The following CCDC85A variants were observed in gnomAD, a reference collection of about 807,000 sequenced individuals.
CCDC85A encodes the protein coiled-coil domain-containing protein 85A.
CCDC85A carries 38 observed loss-of-function variants against 50.2 expected under a neutral mutation model. That is an observed-to-expected ratio of 0.76 (90% CI 0.58 to 0.99). The LOEUF (loss-of-function observed/expected upper bound fraction) is 0.99. Ranked by LOEUF, CCDC85A falls within the 50% of genes least tolerant of loss-of-function variation. The probability of loss-of-function intolerance (pLI) is 0.00; values close to 1 mark genes in which losing one functional copy is unlikely to be tolerated. For missense variants in CCDC85A, 820 were observed against 742.0 expected (o/e 1.11, Z -1.22); for synonymous variants, 366 against 301.4 (o/e 1.21, Z -2.22).
chr2:56,207,515 T>C (rs1677006588), intron 2 of CCDC85A, among the ~76,000 whole-genome samples: 2 of 152,196 alleles, frequency 1.3e-5, no homozygotes, highest in Non-Finnish European at 2.9e-5. Flanking sequence ...GTCCAGTAAA[T>C]GGATGGTCCC....
At chr2:56,287,004 G>A (rs1435809976) in intron 2 of CCDC85A, among the ~76,000 whole-genome samples, 4 of 152,100 alleles carry the variant, frequency 2.6e-5, no homozygotes, top group Non-Finnish European at 5.9e-5. Flanking sequence ...TCTCCAAGGG[G>A]TGCCCTTTCT....
At chr2:56,376,760 A>G (rs558601433) in intron 5 of CCDC85A, among the ~76,000 whole-genome samples, 5 of 152,352 alleles carry the variant, frequency 3.3e-5, no homozygotes, top group African/African-American at 1.2e-4. Context: ...GCACTGTCTA[A>G]CAAATCTATC....
chr2:56,273,993 A>G (rs940963411), intron 2 of CCDC85A, among the ~76,000 whole-genome samples: 1 of 152,194 alleles, frequency 6.6e-6, no homozygotes, highest in Non-Finnish European at 1.5e-5. Context: ...AAAACTAAAC[A>G]TGATCAAAGT....
chr2:56,235,663 G>A (rs1371869099), intron 2 of CCDC85A, among the ~76,000 whole-genome samples: 2 of 152,092 alleles, frequency 1.3e-5, no homozygotes, highest in Non-Finnish European at 2.9e-5. Flanking sequence ...CTGAAAATGG[G>A]CCACCTAGCA....
At chr2:56,202,307 C>T (rs1676779698) in intron 2 of CCDC85A, among the ~76,000 whole-genome samples, 1 of 152,188 alleles carries the variant, frequency 6.6e-6, no homozygotes, top group African/African-American at 2.4e-5. Context: ...TGGACAACTA[C>T]CAAAATGCAT....
intron 2 of CCDC85A, among the ~76,000 whole-genome samples, chr2:56,309,350 T>G (rs1276715519): frequency 6.6e-6 from 1 of 152,176 alleles, no homozygotes; most frequent in Non-Finnish European, 1.5e-5. Context: ...GACTTCAGCT[T>G]GCAGCACATT....
At chr2:56,257,800 A>G (rs1312782145) in intron 2 of CCDC85A, among the ~76,000 whole-genome samples, 1 of 152,200 alleles carries the variant, frequency 6.6e-6, no homozygotes, top group Admixed American at 6.5e-5. Flanking sequence ...GGATCTGAAC[A>G]AGGAGAGGCC....
intron 3 of CCDC85A, among the ~76,000 whole-genome samples, chr2:56,361,209 G>A (rs955912361): frequency 1.4e-4 from 22 of 151,740 alleles, no homozygotes; most frequent in African/African-American, 4.1e-4. Flanking sequence ...AGCGGAGATC[G>A]CGCCACTGCA....
At chr2:56,342,788 T>C (rs1211609088) in intron 2 of CCDC85A, 91 bp from the exon 3 acceptor site, 5 of 747,352 alleles carry the variant, frequency 6.7e-6, no homozygotes, top group East Asian at 5.9e-5. Flanking sequence ...ATAGTCACTG[T>C]CTGATTTGAA....
chr2:56,247,132 A>T (rs1310934527), intron 2 of CCDC85A, among the ~76,000 whole-genome samples: 2 of 152,176 alleles, frequency 1.3e-5, no homozygotes, highest in African/African-American at 4.8e-5. Context: ...AGGAACCAAG[A>T]CTGTCCTGGA....
intron 2 of CCDC85A, among the ~76,000 whole-genome samples, chr2:56,340,190 T>C (rs544007102): frequency 1.2e-4 from 19 of 152,212 alleles, no homozygotes; most frequent in Non-Finnish European, 2.8e-4. Context: ...CTGATGCTTA[T>C]GTATTTTAGA....
At chr2:56,343,478 C>A (rs544338305) in intron 3 of CCDC85A, among the ~76,000 whole-genome samples, 1 of 152,174 alleles carries the variant, frequency 6.6e-6, no homozygotes, top group Non-Finnish European at 1.5e-5. Flanking sequence ...GACTTCATTT[C>A]TTTCCCCTTA....
At chr2:56,243,542 T>G (rs1669360225) in intron 2 of CCDC85A, among the ~76,000 whole-genome samples, 2 of 152,210 alleles carry the variant, frequency 1.3e-5, no homozygotes, top group Admixed American at 6.5e-5. Flanking sequence ...TACCTTTCTG[T>G]GTTATCTTGA....
At chr2:56,199,491 C>T (rs1003149054) in intron 2 of CCDC85A, among the ~76,000 whole-genome samples, 9 of 152,100 alleles carry the variant, frequency 5.9e-5, no homozygotes, top group African/African-American at 1.9e-4. Context: ...AATTTATCAC[C>T]TTAGGCTCTA....
At chr2:56,188,158 A>T (rs1676133215) in intron 1 of CCDC85A, among the ~76,000 whole-genome samples, 1 of 152,224 alleles carries the variant, frequency 6.6e-6, no homozygotes, top group Non-Finnish European at 1.5e-5. Flanking sequence ...TGTTAAAAGG[A>T]CACCTAGTGT....
chr2:56,342,180 A>G (rs1317281147), intron 2 of CCDC85A, among the ~76,000 whole-genome samples: 1 of 145,744 alleles, frequency 6.9e-6, no homozygotes, highest in Non-Finnish European at 1.5e-5. Flanking sequence ...CTCACCACCT[A>G]TAATTTTCTC....
At chr2:56,382,193 A>G (rs17190254) in intron 5 of CCDC85A, among the ~76,000 whole-genome samples, 16,311 of 152,112 alleles carry the variant, frequency 0.11, 928 homozygotes, top group Admixed American at 0.14. Context: ...AATTTCATAG[A>G]TAAGTTGTGA....
At chr2:56,257,487 G>A (rs539578580) in intron 2 of CCDC85A, among the ~76,000 whole-genome samples, 1 of 152,214 alleles carries the variant, frequency 6.6e-6, no homozygotes, top group East Asian at 1.9e-4. Flanking sequence ...AACAATGGAG[G>A]AAAACATGAG....
At chr2:56,297,090 G>A (rs1376562587) in intron 2 of CCDC85A, among the ~76,000 whole-genome samples, 2 of 152,068 alleles carry the variant, frequency 1.3e-5, no homozygotes, top group Non-Finnish European at 2.9e-5. Context: ...GCTTTTTTCT[G>A]GAGTGTGCTC....
Sources: gnomAD v4.1 joint callset for allele counts (sites outside exome capture counted in the v4.1 genomes callset) on GRCh38, gnomAD v4.1.1 for gene constraint, MANE v1.5 for transcripts, NCBI Gene and HGNC (gene_info 2026-07-23, HGNC 2026-07-21) for gene names.